Variants in ENTPD1 observed in about 807,000 individuals in gnomAD.
ENTPD1 encodes the protein ATP diphosphohydrolase.
Under a neutral mutation model 57.0 loss-of-function variants are expected in ENTPD1, and 33 were observed. The observed-to-expected ratio is 0.58, with a 90% CI of 0.44 to 0.77. The LOEUF is 0.77. ENTPD1 is among the 30% of genes least tolerant of loss of function. ENTPD1 has a pLI of 0.00. For synonymous variants in ENTPD1, 202 were observed against 218.8 expected (o/e 0.92, Z 0.68); for missense variants, 501 against 603.4 (o/e 0.83, Z 1.78).
At chr10:95,758,745 G>T (rs1213611689) in intron 1 of ENTPD1, among the ~76,000 whole-genome samples, 1 of 152,216 alleles carries the variant, frequency 6.6e-6, no homozygotes, top group Admixed American at 6.5e-5. Context: ...CATGATAGGG[G>T]TACAGGAGGT....
the ENTPD1 span, among the ~76,000 whole-genome samples, chr10:95,694,977 T>G: frequency 6.9e-6 from 1 of 145,898 alleles, no homozygotes; most frequent in Non-Finnish European, 1.5e-5. Context: ...CTCAGCTCAC[T>G]GCAACCTCTG....
chr10:95,876,437 T>C lies in ENTPD1; in HGVS notation c.*10054T>C. 2 of 1,231,388 alleles carry C rather than the reference T, an allele frequency of 1.6e-6. No homozygotes were observed. The highest frequency in any genetic ancestry group is 2.0e-6 in the Non-Finnish European group (2 of 987,706). The allele number at this position is 1,231,388 out of a possible 1,614,324, so 76.3% of individuals were successfully genotyped here. A position where few individuals can be genotyped will look rare whatever the true frequency, so the allele number is the denominator to read the frequency against. On this transcript the variant is annotated 3_prime_UTR_variant, in exon 10 of 10. Transcript: ENST00000371205. Reference sequence around the variant, plus strand: ...CCTTTCTCCTCGGTTCTGCAATCTATAGGCATACCATAATTGTAATCAATA... The same window carrying C: ...CCTTTCTCCTCGGTTCTGCAATCTACAGGCATACCATAATTGTAATCAATA...
intron 1 of ENTPD1, among the ~76,000 whole-genome samples, chr10:95,811,882 G>T (rs868178617): frequency 6.6e-6 from 1 of 152,108 alleles, no homozygotes; most frequent in Non-Finnish European, 1.5e-5. Context: ...ACTGAATGTC[G>T]CTGTCTATGC....
At chr10:95,733,397 A>C (rs898178770) in intron 1 of ENTPD1, among the ~76,000 whole-genome samples, 1 of 152,162 alleles carries the variant, frequency 6.6e-6, no homozygotes, top group Admixed American at 6.5e-5. Flanking sequence ...TGTGCAGTTA[A>C]CGCAATCATG....
At chr10:95,733,280 A>C (rs1401051950) in intron 1 of ENTPD1, among the ~76,000 whole-genome samples, 1 of 152,234 alleles carries the variant, frequency 6.6e-6, no homozygotes, top group Non-Finnish European at 1.5e-5. Context: ...TCAGGCAGCC[A>C]GACCTAATGG....
At chr10:95,795,475 G>A (rs1041739484) in intron 1 of ENTPD1, among the ~76,000 whole-genome samples, 5 of 152,156 alleles carry the variant, frequency 3.3e-5, no homozygotes, top group Non-Finnish European at 4.4e-5. Context: ...GTTAAAAGGT[G>A]AAGGAGGCAG....
chr10:95,721,737 A>C (rs978686556), intron 1 of ENTPD1, among the ~76,000 whole-genome samples: 29 of 151,380 alleles, frequency 1.9e-4, no homozygotes, highest in Non-Finnish European at 3.7e-4. Flanking sequence ...TCTGATGAGC[A>C]TTAGTGCTAG....
intron 1 of ENTPD1, among the ~76,000 whole-genome samples, chr10:95,717,519 C>T (rs1463632249): frequency 6.6e-6 from 1 of 152,110 alleles, no homozygotes; most frequent in Non-Finnish European, 1.5e-5. Context: ...CTTTCTTTAC[C>T]TCCTGCTTTA....
chr10:95,698,821 G>A, the ENTPD1 span, among the ~76,000 whole-genome samples: 1 of 152,176 alleles, frequency 6.6e-6, no homozygotes. Flanking sequence ...AATGGACTAA[G>A]ATACACACCT....
At position 95,871,689 on chromosome 10, in the gene ENTPD1, G is replaced by A. The variant is rs1004489466; in HGVS notation, c.*5306G>A. On this transcript the variant is annotated 3_prime_UTR_variant, in exon 10 of 10. Coordinates refer to ENST00000371205, the MANE Select transcript of ENTPD1 (RefSeq NM_001776.6). ...CATTGCTCTATTTTACATAAATTAA[G>A]TTATAAATTGACACTATAATCAACT... The A allele has an allele frequency of 1.0e-6, 1 of 985,266 alleles. No individual in the cohort carries two copies. Among genetic ancestry groups the A allele is most frequent in the African/African-American group, 1.7e-5 (1 of 57,240 alleles). 61.0% of individuals were successfully genotyped at this position (985,266 alleles called of 1,614,324 possible). A position where few individuals can be genotyped will look rare whatever the true frequency, so the allele number is the denominator to read the frequency against.
At chr10:95,773,952 A>G (rs1440997979) in intron 1 of ENTPD1, among the ~76,000 whole-genome samples, 7 of 152,316 alleles carry the variant, frequency 4.6e-5, no homozygotes, top group African/African-American at 1.7e-4. Context: ...TCCCACCAAC[A>G]GTGTAAAAGC....
Position 95,780,892 on chromosome 10 carries a change from A to G in ENTPD1, c.16+24637A>G, listed in dbSNP as rs960374507. Among the ~76,000 whole-genome samples, 4 of 152,214 alleles carry G rather than the reference A, an allele frequency of 2.6e-5. No homozygotes were observed. The East Asian group carries it at 7.7e-4, about 29-fold the overall frequency. The stretch of plus-strand genomic sequence containing the variant: ...TAAAACCAGTGCATGCATATGATCC[A>G]GCAATTCCATGGCTAGGTATACACC... On this transcript the variant is annotated intron_variant, in intron 1 of 9. Coordinates refer to ENST00000371205, the MANE Select transcript of ENTPD1 (RefSeq NM_001776.6).
intron 2 of ENTPD1, among the ~76,000 whole-genome samples, chr10:95,827,454 C>CA (rs544722117): frequency 0.013 from 1,874 of 142,040 alleles, 7 homozygotes; most frequent in African/African-American, 0.016. Flanking sequence ...GACTCTGTCT[C>CA]AAAAAAAAAA....
chr10:95,715,136 T>G (rs984194265), intron 1 of ENTPD1, among the ~76,000 whole-genome samples: 9 of 152,352 alleles, frequency 5.9e-5, no homozygotes, highest in African/African-American at 2.2e-4. Context: ...ACAATATTTA[T>G]TTTTTGTGAA....
intron 1 of ENTPD1, among the ~76,000 whole-genome samples, chr10:95,730,724 T>C (rs2097988269): frequency 6.6e-6 from 1 of 152,246 alleles, no homozygotes; most frequent in African/African-American, 2.4e-5. Flanking sequence ...GTCTTCCTAA[T>C]TGAAAAACAC....
At chr10:95,794,625 A>G (rs2098218838) in intron 1 of ENTPD1, among the ~76,000 whole-genome samples, 1 of 152,252 alleles carries the variant, frequency 6.6e-6, no homozygotes, top group Non-Finnish European at 1.5e-5. Flanking sequence ...TGAAAGACTT[A>G]CATATGTAAA....
the ENTPD1 span, among the ~76,000 whole-genome samples, chr10:95,704,926 C>A: frequency 6.6e-6 from 1 of 150,486 alleles, no homozygotes; most frequent in Non-Finnish European, 1.5e-5. Context: ...GGATGTGTAC[C>A]CAGAATACGT....
chr10:95,783,377 A>G (rs1238939094), intron 1 of ENTPD1, among the ~76,000 whole-genome samples: 1 of 152,168 alleles, frequency 6.6e-6, no homozygotes, highest in Non-Finnish European at 1.5e-5. Flanking sequence ...TTTCAGCTTC[A>G]AATGGAGGTC....
Position 95,871,404 on chromosome 10 carries a change from A to G in ENTPD1, c.*5021A>G, listed in dbSNP as rs1056843274. 1.0e-6 allele frequency: 1 copy of G among 985,338 alleles called. No individual in the cohort carries two copies. Among genetic ancestry groups the G allele is most frequent in the African/African-American group, 1.7e-5 (1 of 57,250 alleles). 61.0% of individuals were successfully genotyped at this position (985,338 alleles called of 1,614,324 possible). On this transcript the variant is annotated 3_prime_UTR_variant, in exon 10 of 10. Transcript: ENST00000371205. ...ATCAGGATGCTGTGGCAGCTCCCAC[A>G]TTAGCCTCGCATTCTAAACTGGTAG...
Sources: allele counts gnomAD v4.1 joint callset (sites outside exome capture counted in the v4.1 genomes callset), GRCh38; gene constraint gnomAD v4.1.1; transcripts MANE v1.5; gene names NCBI Gene and HGNC (gene_info 2026-07-23, HGNC 2026-07-21).